The following RIF1 variants were observed in gnomAD, a reference collection of about 807,000 sequenced individuals.
RIF1 encodes replication timing regulatory factor 1.
In RIF1, 45 loss-of-function variants were observed where a neutral mutation model predicts 247.1. The ratio of observed to expected loss-of-function variants is 0.18; its 90% CI spans 0.14 to 0.23. The LOEUF is 0.23. Ranked by LOEUF, RIF1 falls within the 10% of genes least tolerant of loss-of-function variation. RIF1 has a pLI of 1.00. For synonymous variants in RIF1, 1,087 were observed against 978.8 expected (o/e 1.11, Z -2.06); for missense variants, 2,967 against 2,862.5 (o/e 1.04, Z -0.83).
chr2:151,411,383 G>GTTT (rs147405197), intron 3 of RIF1, 45 bp downstream of exon 3: 440 of 1,050,216 alleles, frequency 4.2e-4, no homozygotes, highest in Non-Finnish European at 5.0e-4. Flanking sequence ...TGGTAGTTTG[G>GTTT]TTTTTTTTTT....
downstream of RIF1, chr2:151,512,672 G>A: frequency 8.4e-7 from 1 of 1,187,846 alleles, no homozygotes; most frequent in South Asian, 1.3e-5. Flanking sequence ...TTTATTAATG[G>A]AAGGACTTCC....
At chr2:151,414,958 AAAGTAT>A (rs1558928164) in intron 4 of RIF1, 39 bp downstream of exon 4, 18 of 1,295,502 alleles carry the variant, frequency 1.4e-5, no homozygotes, top group Non-Finnish European at 1.2e-5. Context: ...TTTAGAGTAT[AAAGTAT>A]AAGTTTTAAG....
intron 3 of RIF1, 49 bp from the exon 4 acceptor site, chr2:151,414,774 T>C: frequency 7.6e-7 from 1 of 1,323,984 alleles, no homozygotes; most frequent in Non-Finnish European, 1.1e-6. Flanking sequence ...TTCTAAAAAT[T>C]GATTTACAGT....
chr2:151,414,280 C>CT (rs1573842693), intron 3 of RIF1, among the ~76,000 whole-genome samples: 1 of 132,516 alleles, frequency 7.5e-6, no homozygotes, highest in African/African-American at 2.9e-5. Context: ...GAGCGAAACT[C>CT]TGTCTCAAAA....
At position 151,479,700 on chromosome 2, in the gene RIF1, T is replaced by C. The variant is rs773200814; in HGVS notation, c.*4629T>C. Reference sequence around the variant, plus strand: ...ATTTGAAAGATGGAGTTGAATAATATGATTCTCGAAAAGTGAGTTTTTCTT... The same window carrying C: ...ATTTGAAAGATGGAGTTGAATAATACGATTCTCGAAAAGTGAGTTTTTCTT... On this transcript the variant is annotated 3_prime_UTR_variant, in exon 36 of 36. Coordinates refer to ENST00000444746, the MANE Select transcript of RIF1 (RefSeq NM_018151.5). 1.4e-4 allele frequency: 22 copies of C among 152,216 alleles called. No individual in the cohort carries two copies. Among genetic ancestry groups the C allele is most frequent in the Admixed American group, 3.9e-4 (6 of 15,280 alleles). 9.4% of individuals were successfully genotyped at this position (152,216 alleles called of 1,614,324 possible).
In RIF1 at chr2:151,469,798, T is replaced by C. The variant is rs147657888; in HGVS notation, c.7029T>C (p.Thr2343=). 150 of 1,612,014 alleles carry C rather than the reference T, an allele frequency of 9.3e-5. No individual in the cohort carries two copies. In the African/African-American group the frequency reaches 1.9e-3, roughly 20 times the overall value. Residue 2343 remains threonine, a synonymous_variant, in exon 34 of 36, where the codon ACT becomes ACC. Coordinates refer to ENST00000444746, the MANE Select transcript of RIF1 (RefSeq NM_018151.5). The part of the protein sequence containing the change: ...LSTLTASEIK[T]LPIRSPKVSN... ...CTCTTACAGCATCTGAAATAAAAAC[T>C]CTTCCTATCCGTTCTCCAAAAGTGT...
the RIF1 span, chr2:151,513,537 C>G: frequency 1.7e-3 from 2,454 of 1,419,048 alleles, 38 homozygotes; most frequent in East Asian, 0.031. Flanking sequence ...CTTAAAGTTA[C>G]AACTACTTTC....
chr2:151,436,728 T>A, intron 11 of RIF1, 99 bp from the exon 12 acceptor site: 1 of 872,050 alleles, frequency 1.1e-6, no homozygotes, highest in Non-Finnish European at 1.7e-6. Context: ...ACATTTAAAC[T>A]CTGTTTTTAA....
rs1398678464 is a variant in RIF1 at position 151,464,456 on chromosome 2, T to A, written c.4936T>A (p.Leu1646Ile). ...TSDLLQVPDD[L>I]PNVCEEKNET... is the part of the protein sequence containing the mutation. ...AGATTTGTTGCAAGTTCCTGATGAT[T>A]TACCAAATGTGTGTGAGGAAAAAAA... Residue 1646 changes from leucine (L) to isoleucine (I), a missense_variant, in exon 30 of 36, where the codon TTA (leucine) becomes ATA (isoleucine). Transcript: ENST00000444746. 1 of 1,613,616 alleles carries A rather than the reference T, an allele frequency of 6.2e-7. No homozygotes were observed. Among genetic ancestry groups the A allele is most frequent in the Non-Finnish European group, 8.5e-7 (1 of 1,179,906 alleles).
chr2:151,499,326 ACT>A lies in RIF1; in HGVS notation c.*514-13_*514-12del. 6.5e-7 allele frequency: 1 copy of A among 1,536,400 alleles called. No individual in the cohort carries two copies. The highest frequency in any genetic ancestry group is 8.8e-7 in the Non-Finnish European group (1 of 1,138,324). ...ACTAAAGTTTTCTTGATTGTGTTTG[ACT>A]CTCTCCATCTCTGGAGTGATGGGGA... On this transcript the variant is annotated splice_polypyrimidine_tract_variant and intron_variant and NMD_transcript_variant, in intron 10 of 13. Coordinates refer to the RIF1 transcript ENST00000454583.
chr2:151,414,799 A>G, intron 3 of RIF1, 24 bp from the exon 4 acceptor site: 1 of 1,543,084 alleles, frequency 6.5e-7, no homozygotes, highest in Non-Finnish European at 8.9e-7. Context: ...CTTGTTTGTA[A>G]TAAATGTGAT....
chr2:151,490,165 C>T, intron 9 of RIF1: 7 of 1,214,616 alleles, frequency 5.8e-6, no homozygotes, highest in Non-Finnish European at 8.2e-6. Context: ...ATGTCTTTTT[C>T]CCCCAACTTA....
chr2:151,512,594 G>A (rs539727676), downstream of RIF1: 24 of 709,320 alleles, frequency 3.4e-5, no homozygotes, highest in South Asian at 2.1e-4. Context: ...GAATACAGAC[G>A]TGAGCCACTG....
Position 151,466,076 on chromosome 2 carries a change from C to T in RIF1, c.6556C>T (p.Leu2186=), listed in dbSNP as rs931500793. ...GTCTACGAGCATTTTAAAGAGAGGA[C>T]TAAAAAGATCCCAAGAAGATGAAAT... ...SPSTSILKRG[L]KRSQEDEISS... is the part of the protein sequence containing the mutation. The change falls in exon 30 of 36, where the codon CTA becomes TTA. Residue 2186 remains leucine (L), a synonymous_variant. Coordinates refer to ENST00000444746, the MANE Select transcript of RIF1 (RefSeq NM_018151.5). The T allele has an allele frequency of 2.5e-6, 4 of 1,600,418 alleles. No individual in the cohort carries two copies. The African/African-American group carries it at 4.0e-5, about 16-fold the overall frequency.
chr2:151,492,222 A>G lies in RIF1; in HGVS notation c.*416-3007A>G, dbSNP rs1346509416. Reference sequence around the variant, plus strand: ...TCTTCTTTACTCGTTCAGTGATAGGATCTGTCACCACTGGTGTGAAGCAAC... The same window carrying G: ...TCTTCTTTACTCGTTCAGTGATAGGGTCTGTCACCACTGGTGTGAAGCAAC... On this transcript the variant is annotated intron_variant and NMD_transcript_variant, in intron 9 of 13. Transcript: ENST00000454583. The G allele has an allele frequency of 1.9e-6, 3 of 1,613,774 alleles. No homozygotes were observed. Among genetic ancestry groups the G allele is most frequent in the Non-Finnish European group, 2.5e-6 (3 of 1,179,858 alleles).
chr2:151,526,234 T>C, the RIF1 span: 6 of 1,612,990 alleles, frequency 3.7e-6, no homozygotes, highest in Non-Finnish European at 5.1e-6. Context: ...GGTTCCTCTT[T>C]CCTTGACATG....
chr2:151,412,287 TTC>T (rs1686381519), intron 3 of RIF1, among the ~76,000 whole-genome samples: 1 of 138,906 alleles, frequency 7.2e-6, no homozygotes, highest in Non-Finnish European at 1.6e-5. Context: ...TATGACCTTG[TTC>T]TCTTTTTTTA....
intron 10 of RIF1, chr2:151,497,823 T>G: frequency 1.3e-6 from 2 of 1,528,948 alleles, no homozygotes; most frequent in South Asian, 2.5e-5. Context: ...GAGCCAGAAG[T>G]TATATGCTGA....
chr2:151,502,775 TGG>T lies in RIF1; in HGVS notation c.*710-258_*710-257del. ...TAAAATTAAGGGATTTTTTTTTTTT[TGG>T]CCCCCTAAGAAATACCGAGCTAAAG... is the stretch of plus-strand genomic sequence containing the variant. On this transcript the variant is annotated intron_variant and NMD_transcript_variant, in intron 11 of 13. Coordinates refer to the RIF1 transcript ENST00000454583. 2.8e-6 allele frequency: 4 copies of T among 1,404,420 alleles called. No homozygotes were observed. In the Admixed American group the frequency reaches 5.1e-5, roughly 18 times the overall value. 87.0% of individuals were successfully genotyped at this position (1,404,420 alleles called of 1,614,324 possible). A position where few individuals can be genotyped will look rare whatever the true frequency, so the allele number is the denominator to read the frequency against.
Sources: gnomAD v4.1 joint callset for allele counts (sites outside exome capture counted in the v4.1 genomes callset) on GRCh38, gnomAD v4.1.1 for gene constraint, MANE v1.5 for transcripts, NCBI Gene and HGNC (gene_info 2026-07-23, HGNC 2026-07-21) for gene names.